PTPRD: variants seen among roughly 807,000 people sequenced by gnomAD.
PTPRD encodes receptor-type tyrosine-protein phosphatase delta.
In PTPRD, 34 loss-of-function variants were observed where a neutral mutation model predicts 214.5. The observed-to-expected ratio is 0.16, with a 90% CI of 0.12 to 0.21. PTPRD has a LOEUF of 0.21. Among genes scored for constraint, PTPRD ranks in the 10% least tolerant of loss-of-function variants. The pLI is 1.00. For missense variants in PTPRD, 2,545 were observed against 2,398.7 expected (o/e 1.06, Z -1.27); for synonymous variants, 1,128 against 845.7 (o/e 1.33, Z -5.79).
chr9:10,344,888 A>T (rs574782145), intron 2 of PTPRD, among the ~76,000 whole-genome samples: 2 of 152,278 alleles, frequency 1.3e-5, no homozygotes, highest in African/African-American at 4.8e-5. Context: ...TCAAATAAAT[A>T]ATTTTCTCAT....
chr9:8,932,065 T>C lies in PTPRD; in HGVS notation c.-104+86632A>G, dbSNP rs151075416. Reference sequence around the variant, plus strand: ...GATTCTTCTCTCTTTTCTTCTTTAGTAGTCTGGCTAGTGGTCTATTTTGTT... The same window carrying C: ...GATTCTTCTCTCTTTTCTTCTTTAGCAGTCTGGCTAGTGGTCTATTTTGTT... On this transcript the variant is annotated intron_variant, in intron 11 of 45. Transcript: ENST00000381196. 3.2e-3 allele frequency among the ~76,000 whole-genome samples: 482 copies of C among 152,330 alleles called. 4 individuals carry two copies. Among genetic ancestry groups the C allele is most frequent in the African/African-American group, 0.011 (460 of 41,570 alleles).
chr9:9,854,676 A>C (rs867956892), intron 5 of PTPRD, among the ~76,000 whole-genome samples: 4 of 152,100 alleles, frequency 2.6e-5, no homozygotes, highest in African/African-American at 9.7e-5. Flanking sequence ...ACTTATCTAA[A>C]TTGTTATTTG....
intron 37 of PTPRD, among the ~76,000 whole-genome samples, chr9:8,388,515 G>A (rs532227773): frequency 2.6e-5 from 4 of 152,134 alleles, no homozygotes; most frequent in Non-Finnish European, 5.9e-5. Flanking sequence ...CATGTACTCA[G>A]GAATATGGTA....
intron 3 of PTPRD, among the ~76,000 whole-genome samples, chr9:10,103,204 G>A (rs1273539894): frequency 6.6e-6 from 1 of 151,220 alleles, no homozygotes; most frequent in African/African-American, 2.4e-5. Flanking sequence ...ACTAATATCT[G>A]CACATGCTTT....
rs192396713 is a variant in PTPRD at position 8,597,148 on chromosome 9, G to A, written c.352+36169C>T. Among the ~76,000 whole-genome samples the A allele has an allele frequency of 3.4e-3, 512 of 152,186 alleles. 7 individuals are homozygous for A. The highest frequency in any genetic ancestry group is 5.9e-4 in the Non-Finnish European group (40 of 67,940). On this transcript the variant is annotated intron_variant, in intron 14 of 45. Coordinates refer to ENST00000381196, the MANE Select transcript of PTPRD (RefSeq NM_002839.4). The stretch of plus-strand genomic sequence containing the variant: ...TTCTGCCTTTTCATTTATTCCCAAA[G>A]TGAAGGGTTAAAGGGGGAATCTTTC...
chr9:8,356,542 T>C (rs192750581), intron 39 of PTPRD, among the ~76,000 whole-genome samples: 207 of 152,314 alleles, frequency 1.4e-3, no homozygotes, highest in African/African-American at 4.8e-3. Context: ...TCAAAATACA[T>C]TGCAGGTACA....
intron 5 of PTPRD, among the ~76,000 whole-genome samples, chr9:9,857,707 G>A (rs1250058434): frequency 1.3e-5 from 2 of 152,158 alleles, no homozygotes; most frequent in Non-Finnish European, 2.9e-5. Flanking sequence ...ACAGAAGTTG[G>A]CTACTTTTTG....
intron 7 of PTPRD, among the ~76,000 whole-genome samples, chr9:9,618,071 C>CAAAAAAAAAAAAAAAAAAAAAAAAAAAA (rs34125624): frequency 3.5e-4 from 8 of 23,008 alleles, no homozygotes; most frequent in Non-Finnish European, 4.7e-4. Context: ...GACTCCATCT[C>CAAAAAAAAAAAAAAAAAAAAAAAAAAAA]AAAAAAAAAA....
chr9:9,671,223 G>T (rs2096826681), intron 7 of PTPRD, among the ~76,000 whole-genome samples: 1 of 152,136 alleles, frequency 6.6e-6, no homozygotes, highest in African/African-American at 2.4e-5. Context: ...TTTAAAATTT[G>T]ACTGCTCTGC....
At chr9:9,515,154 A>C (rs1472963015) in intron 8 of PTPRD, among the ~76,000 whole-genome samples, 1 of 152,028 alleles carries the variant, frequency 6.6e-6, no homozygotes, top group African/African-American at 2.4e-5. Context: ...ATTGTTATTG[A>C]CCGTGGTGGA....
chr9:10,184,086 T>A (rs1003950827), intron 3 of PTPRD, among the ~76,000 whole-genome samples: 2 of 152,178 alleles, frequency 1.3e-5, no homozygotes, highest in African/African-American at 4.8e-5. Flanking sequence ...ATAGGAATAA[T>A]TCCAAAACCT....
At chr9:10,551,385 T>A (rs80064050) in intron 2 of PTPRD, among the ~76,000 whole-genome samples, 4,932 of 152,186 alleles carry the variant, frequency 0.032, 240 homozygotes, top group African/African-American at 0.11. Flanking sequence ...CCACCGTGAT[T>A]CATGTTCCTT....
At chr9:9,268,077 A>G (rs184235272) in intron 9 of PTPRD, among the ~76,000 whole-genome samples, 1 of 151,222 alleles carries the variant, frequency 6.6e-6, no homozygotes, top group Admixed American at 6.6e-5. Context: ...AAAAGAAAAA[A>G]TTGTCTCTGT....
At chr9:10,354,183 G>C (rs1171808009) in intron 2 of PTPRD, among the ~76,000 whole-genome samples, 1 of 151,904 alleles carries the variant, frequency 6.6e-6, no homozygotes, top group Non-Finnish European at 1.5e-5. Context: ...AGATAACATT[G>C]TCCAGCATAT....
chr9:9,957,053 G>T (rs929877373), intron 4 of PTPRD, among the ~76,000 whole-genome samples: 11 of 152,224 alleles, frequency 7.2e-5, no homozygotes, highest in African/African-American at 2.6e-4. Flanking sequence ...TCCATGTATA[G>T]CTGAAGCTCA....
intron 5 of PTPRD, among the ~76,000 whole-genome samples, chr9:9,793,522 C>T (rs576358515): frequency 3.9e-4 from 59 of 152,154 alleles, no homozygotes; most frequent in African/African-American, 1.3e-3. Context: ...GTACGTCTGT[C>T]AACATGTGTT....
intron 8 of PTPRD, among the ~76,000 whole-genome samples, chr9:9,480,879 TG>T (rs964108885): frequency 2.0e-5 from 3 of 152,148 alleles, no homozygotes; most frequent in African/African-American, 7.2e-5. Flanking sequence ...TGCTAAGAGA[TG>T]GAACTGTCAA....
chr9:8,480,003 A>C (rs753512563), intron 30 of PTPRD, among the ~76,000 whole-genome samples: 1 of 152,198 alleles, frequency 6.6e-6, no homozygotes, highest in Non-Finnish European at 1.5e-5. Context: ...TTATGTTTTC[A>C]CAATACCTGG....
At chr9:9,674,879 T>A (rs538069478) in intron 7 of PTPRD, among the ~76,000 whole-genome samples, 1 of 151,974 alleles carries the variant, frequency 6.6e-6, no homozygotes, top group South Asian at 2.1e-4. Context: ...TTAATCACAA[T>A]AGTGAGAAAT....
Sources: allele counts gnomAD v4.1 joint callset (sites outside exome capture counted in the v4.1 genomes callset), GRCh38; gene constraint gnomAD v4.1.1; transcripts MANE v1.5; gene names NCBI Gene and HGNC (gene_info 2026-07-23, HGNC 2026-07-21).